Variants in PDE4C observed in about 807,000 individuals in gnomAD.
The protein encoded by PDE4C is phosphodiesterase 4C.
In PDE4C, 50 loss-of-function variants were observed where a neutral mutation model predicts 63.9. The observed-to-expected ratio is 0.78, with a 90% CI of 0.62 to 0.99. The LOEUF (loss-of-function observed/expected upper bound fraction) is 0.99, where lower values mean the gene tolerates loss of function less well. Among genes scored for constraint, PDE4C ranks in the 50% least tolerant of loss-of-function variants. PDE4C has a pLI of 0.00. For missense variants in PDE4C, 777 were observed against 899.1 expected (o/e 0.86, Z 1.74); for synonymous variants, 377 against 385.1 (o/e 0.98, Z 0.25).
exon 2 of PDE4C, chr19:18,222,248 A>G: frequency 2.5e-6 from 4 of 1,614,056 alleles, no homozygotes; most frequent in Non-Finnish European, 3.4e-6. Flanking sequence ...GAGCCTGCAT[A>G]ATCCGGCCCA....
intron 9 of PDE4C, 24 bp from the exon 10 acceptor site, chr19:18,218,522 C>G: frequency 6.2e-7 from 1 of 1,613,586 alleles, no homozygotes; most frequent in Non-Finnish European, 8.5e-7. Flanking sequence ...GACCCTGGCT[C>G]AGGGCCTTGG....
chr19:18,211,009 C>A lies in PDE4C; in HGVS notation c.1963G>T (p.Glu655Ter), dbSNP rs1770218857. 6.2e-7 allele frequency: 1 copy of A among 1,614,250 alleles called. No homozygotes were observed. The highest frequency in any genetic ancestry group is 1.3e-5 in the African/African-American group (1 of 75,076). Residue 655 changes from glutamate to a stop codon, truncating the protein, a stop_gained, in exon 15 of 15, where the codon GAG (glutamate) becomes TAG (stop). Transcript: ENST00000262805. LOFTEE classifies it low-confidence loss of function (END_TRUNC). Reference sequence around the variant, plus strand: ...GACAGGAGTTCAGTGTCAGGCAACTCCAAGGCCTCTTTGGCTAAAGCTGTC... The same window carrying A: ...GACAGGAGTTCAGTGTCAGGCAACTACAAGGCCTCTTTGGCTAAAGCTGTC...
At chr19:18,253,287 G>A in the PDE4C span, among the ~76,000 whole-genome samples, 1 of 152,210 alleles carries the variant, frequency 6.6e-6, no homozygotes, top group Non-Finnish European at 1.5e-5. Flanking sequence ...GGAGGCTGAG[G>A]CGGGAGGATT....
upstream of PDE4C, among the ~76,000 whole-genome samples, chr19:18,230,117 A>G (rs1366959732): frequency 4.6e-5 from 7 of 151,988 alleles, no homozygotes; most frequent in Non-Finnish European, 1.0e-4. Flanking sequence ...ATTTATTGTC[A>G]TGATTATTTG....
exon 1 of PDE4C, chr19:18,233,278 C>T: frequency 6.5e-7 from 1 of 1,530,610 alleles, no homozygotes; most frequent in Non-Finnish European, 8.8e-7. Flanking sequence ...CGGGTCCGGC[C>T]CAGGGCCGGG....
chr19:18,222,481 C>A (rs1019917833), intron 1 of PDE4C, among the ~76,000 whole-genome samples, 158 bp from the exon 2 acceptor site: 3 of 152,090 alleles, frequency 2.0e-5, no homozygotes, highest in Admixed American at 1.3e-4. Flanking sequence ...CCTCAGGAAC[C>A]CTGCACCCCT....
At chr19:18,208,639 G>T (rs1183323933), downstream of PDE4C, 1 of 152,178 alleles carries the variant, frequency 6.6e-6, no homozygotes, top group Non-Finnish European at 1.5e-5. Context: ...ACTCAATTTG[G>T]TCAATCGAAT....
At chr19:18,233,058 C>T (rs868472984) in exon 1 of PDE4C, 3 of 1,569,526 alleles carry the variant, frequency 1.9e-6, no homozygotes, top group East Asian at 2.4e-5. Flanking sequence ...CGAATAGAAG[C>T]GCTGTTGGAT....
chr19:18,211,772 A>T (rs753643057), exon 14 of PDE4C: 1 of 1,614,020 alleles, frequency 6.2e-7, no homozygotes, highest in Non-Finnish European at 8.5e-7. Flanking sequence ...GGACTTCTCC[A>T]CTGAGGCCGT....
intron 13 of PDE4C, 43 bp downstream of exon 13, chr19:18,213,325 C>G (rs745481335): frequency 4.6e-6 from 7 of 1,527,686 alleles, no homozygotes; most frequent in Middle Eastern, 1.9e-4. Context: ...AAAGTAAAAC[C>G]AAAATTTAAA....
chr19:18,231,424 TG>T (rs1362215849), upstream of PDE4C, among the ~76,000 whole-genome samples: 1 of 152,038 alleles, frequency 6.6e-6, no homozygotes, highest in Non-Finnish European at 1.5e-5. Context: ...CCAGAAGGGA[TG>T]GGGAAGGAGG....
At chr19:18,252,083 G>A, upstream of PDE4C, 1 of 399,018 alleles carries the variant, frequency 2.5e-6, no homozygotes, top group East Asian at 3.6e-5. Context: ...GGGGCTCCAA[G>A]GTCTGGTCAG....
chr19:18,212,801 C>A (rs1968015131), intron 13 of PDE4C, among the ~76,000 whole-genome samples: 1 of 151,440 alleles, frequency 6.6e-6, no homozygotes, highest in African/African-American at 2.4e-5. Context: ...CAATTCTCTG[C>A]CTCAGCCTCC....
upstream of PDE4C, among the ~76,000 whole-genome samples, chr19:18,251,166 C>G (rs1285391603): frequency 6.6e-6 from 1 of 151,680 alleles, no homozygotes; most frequent in Non-Finnish European, 1.5e-5. Context: ...TGCTCTGTCT[C>G]CCAGGCTGGA....
At chr19:18,241,252 CTT>C (rs1401036057) in intron 1 of PDE4C, among the ~76,000 whole-genome samples, 2 of 114,488 alleles carry the variant, frequency 1.7e-5, no homozygotes, top group African/African-American at 3.3e-5. Flanking sequence ...TTTTTCTTCT[CTT>C]GTTTTTTTTT....
chr19:18,233,507 T>G (rs1470250076), exon 1 of PDE4C: 7 of 619,868 alleles, frequency 1.1e-5, no homozygotes, highest in African/African-American at 1.1e-4. Flanking sequence ...TGCCGTCCCC[T>G]ATAGCGCTGC....
upstream of PDE4C, among the ~76,000 whole-genome samples, chr19:18,228,074 TCTG>T (rs776701684): frequency 1.3e-5 from 2 of 152,094 alleles, no homozygotes; most frequent in Non-Finnish European, 2.9e-5. Flanking sequence ...ACCATCGTTG[TCTG>T]CTGGGGCCAG....
At chr19:18,232,440 C>T (rs1968869847) in intron 1 of PDE4C, among the ~76,000 whole-genome samples, 1 of 151,256 alleles carries the variant, frequency 6.6e-6, no homozygotes, top group Non-Finnish European at 1.5e-5. Context: ...TCCAAGCACC[C>T]CAGGGTTACC....
chr19:18,218,862 G>T, intron 9 of PDE4C, 78 bp downstream of exon 9: 1 of 1,011,166 alleles, frequency 9.9e-7, no homozygotes, highest in Non-Finnish European at 1.6e-6. Context: ...AAAAATGAGT[G>T]TCCCTGAGGT....
Sources: allele counts gnomAD v4.1 joint callset (sites outside exome capture counted in the v4.1 genomes callset), GRCh38; gene constraint gnomAD v4.1.1; transcripts MANE v1.5; gene names NCBI Gene and HGNC (gene_info 2026-07-23, HGNC 2026-07-21).